PKN2: variants seen among roughly 807,000 people sequenced by gnomAD.
PKN2 encodes protein kinase N2.
In PKN2, 38 loss-of-function variants were observed where a neutral mutation model predicts 119.1. The ratio of observed to expected loss-of-function variants is 0.32; its 90% CI spans 0.25 to 0.42. The LOEUF is 0.42. Ranked by LOEUF, PKN2 falls within the 10% of genes least tolerant of loss-of-function variation. The probability of loss-of-function intolerance (pLI) is 1.00; values close to 1 mark genes in which losing one functional copy is unlikely to be tolerated. For missense variants in PKN2, 850 were observed against 1,165.1 expected (o/e 0.73, Z 3.94); for synonymous variants, 390 against 384.9 (o/e 1.01, Z -0.15).
chr1:88,772,671 T>C (rs1481064903), intron 6 of PKN2, among the ~76,000 whole-genome samples: 2 of 152,312 alleles, frequency 1.3e-5, no homozygotes, highest in East Asian at 3.9e-4. Context: ...ACATCTGTTT[T>C]CAATTTGGGG....
chr1:88,827,881 G>A (rs566769509), intron 18 of PKN2, among the ~76,000 whole-genome samples: 57 of 151,482 alleles, frequency 3.8e-4, no homozygotes, highest in Non-Finnish European at 6.6e-4. Context: ...CACCATGCCC[G>A]GCTAATTTTT....
chr1:88,774,678 T>C (rs1302540849), intron 6 of PKN2, among the ~76,000 whole-genome samples: 1 of 152,070 alleles, frequency 6.6e-6, no homozygotes, highest in African/African-American at 2.4e-5. Flanking sequence ...TACTACCTTC[T>C]TTTGGTTTTG....
At chr1:88,728,916 A>C (rs984757698) in intron 1 of PKN2, among the ~76,000 whole-genome samples, 1 of 128,598 alleles carries the variant, frequency 7.8e-6, no homozygotes, top group Non-Finnish European at 1.6e-5. Flanking sequence ...TTTTTTTTAG[A>C]TGGAGTTTCG....
chr1:88,827,101 A>G (rs1672528477), intron 18 of PKN2, among the ~76,000 whole-genome samples: 1 of 152,096 alleles, frequency 6.6e-6, no homozygotes, highest in Admixed American at 6.6e-5. Flanking sequence ...TTAATTTAGG[A>G]TTGAGAGCTT....
At chr1:88,699,765 TTTA>T (rs913205003) in intron 1 of PKN2, among the ~76,000 whole-genome samples, 9 of 148,278 alleles carry the variant, frequency 6.1e-5, no homozygotes, top group African/African-American at 2.4e-4. Flanking sequence ...TATTGTTCCT[TTTA>T]TTTTTTTTTT....
At chr1:88,787,576 A>T (rs563518046) in intron 8 of PKN2, among the ~76,000 whole-genome samples, 1 of 152,192 alleles carries the variant, frequency 6.6e-6, no homozygotes, top group Admixed American at 6.5e-5. Context: ...AGCACAGAGG[A>T]GGAAACAGCA....
chr1:88,723,221 C>T (rs760331115), intron 1 of PKN2, among the ~76,000 whole-genome samples: 16 of 151,548 alleles, frequency 1.1e-4, no homozygotes, highest in Non-Finnish European at 1.6e-4. Flanking sequence ...TCAAGCGATT[C>T]TCCTGCCTCA....
At chr1:88,715,453 T>C (rs1436329277) in intron 1 of PKN2, among the ~76,000 whole-genome samples, 4 of 152,178 alleles carry the variant, frequency 2.6e-5, no homozygotes, top group Non-Finnish European at 4.4e-5. Context: ...GAGTCTGTTA[T>C]TGGTCTATTC....
At chr1:88,757,048 C>G (rs558618937) in intron 2 of PKN2, among the ~76,000 whole-genome samples, 1 of 152,150 alleles carries the variant, frequency 6.6e-6, no homozygotes, top group East Asian at 1.9e-4. Context: ...TACTAAGTTG[C>G]TCTTTTGTGA....
chr1:88,737,668 A>G (rs1668408924), intron 1 of PKN2, among the ~76,000 whole-genome samples: 1 of 152,158 alleles, frequency 6.6e-6, no homozygotes, highest in South Asian at 2.1e-4. Flanking sequence ...TCCACATAGT[A>G]TCGGGATGGG....
At chr1:88,758,860 G>T (rs1669326487) in intron 2 of PKN2, among the ~76,000 whole-genome samples, 1 of 152,148 alleles carries the variant, frequency 6.6e-6, no homozygotes, top group Non-Finnish European at 1.5e-5. Flanking sequence ...ACATGTATGT[G>T]TCTTTATGAC....
At chr1:88,805,251 AT>A (rs1299925782) in intron 10 of PKN2, among the ~76,000 whole-genome samples, 1 of 147,730 alleles carries the variant, frequency 6.8e-6, no homozygotes, top group South Asian at 2.1e-4. Context: ...GATAAGATTT[AT>A]TTTTAAAACC....
rs111642344 is a variant in PKN2, at chr1:88,801,950, A to G, written c.1282-2441A>G. Among the ~76,000 whole-genome samples, 1,515 of 152,354 alleles carry G rather than the reference A, an allele frequency of 9.9e-3. 21 individuals carry two copies. Among genetic ancestry groups the G allele is most frequent in the African/African-American group, 0.034 (1,431 of 41,592 alleles). On this transcript the variant is annotated intron_variant, in intron 8 of 21. Transcript: ENST00000370521. ...TAACCTAAAACTTTCCTAAATAGGT[A>G]AATGCAAAGGAGAACAAAGAGGAAG...
At chr1:88,827,611 C>CCCCTCCCCTT (rs1672552177) in intron 18 of PKN2, among the ~76,000 whole-genome samples, 1 of 128,846 alleles carries the variant, frequency 7.8e-6, no homozygotes, top group African/African-American at 3.1e-5. Context: ...TCCCTTCCCT[C>CCCCTCCCCTT]CCCTTCCCTT....
intron 18 of PKN2, among the ~76,000 whole-genome samples, chr1:88,826,094 T>A (rs1463826855): frequency 3.3e-5 from 5 of 152,204 alleles, no homozygotes; most frequent in African/African-American, 4.8e-5. Flanking sequence ...TATTCTACCT[T>A]ATCTTGCTCT....
At chr1:88,684,785 G>A (rs1666008649) in intron 1 of PKN2, 157 bp downstream of exon 1, 1 of 606,598 alleles carries the variant, frequency 1.6e-6, no homozygotes, top group Admixed American at 4.0e-5. Context: ...TTCCCTCGGG[G>A]AACCGCTTCC....
At chr1:88,804,244 T>G in intron 8 of PKN2, 147 bp from the exon 9 acceptor site, 2 of 627,840 alleles carry the variant, frequency 3.2e-6, no homozygotes, top group Non-Finnish European at 5.5e-6. Flanking sequence ...TGAGAAATGT[T>G]ACAAACCTCT....
At chr1:88,806,972 C>CT (rs1271062423) in intron 12 of PKN2, among the ~76,000 whole-genome samples, 1 of 152,066 alleles carries the variant, frequency 6.6e-6, no homozygotes, top group African/African-American at 2.4e-5. Flanking sequence ...CCCGCCTCGG[C>CT]CTACCAAAGT....
At chr1:88,778,388 C>T (rs911675274) in intron 6 of PKN2, among the ~76,000 whole-genome samples, 1 of 152,224 alleles carries the variant, frequency 6.6e-6, no homozygotes. Context: ...TGAGCACTCA[C>T]CCAGACACTT....
Sources: gnomAD v4.1 joint callset for allele counts (sites outside exome capture counted in the v4.1 genomes callset) on GRCh38, gnomAD v4.1.1 for gene constraint, MANE v1.5 for transcripts, NCBI Gene and HGNC (gene_info 2026-07-23, HGNC 2026-07-21) for gene names.